The following GRIK2 variants were observed in gnomAD, a reference collection of about 807,000 sequenced individuals.
GRIK2 encodes the protein glutamate receptor ionotropic, kainate 2.
In GRIK2, 32 loss-of-function variants were observed where a neutral mutation model predicts 100.3. The ratio of observed to expected loss-of-function variants is 0.32; its 90% CI spans 0.24 to 0.43. The LOEUF is 0.43. Among genes scored for constraint, GRIK2 ranks in the 20% least tolerant of loss-of-function variants. GRIK2 has a pLI of 1.00. For synonymous variants in GRIK2, 417 were observed against 389.4 expected (o/e 1.07, Z -0.83); for missense variants, 843 against 1,114.9 (o/e 0.76, Z 3.47).
intron 7 of GRIK2, among the ~76,000 whole-genome samples, chr6:101,726,745 A>G (rs770051756): frequency 3.3e-5 from 5 of 152,154 alleles, no homozygotes; most frequent in Non-Finnish European, 5.9e-5. Flanking sequence ...GTTTGGTCAA[A>G]TTACGTGTCT....
intron 4 of GRIK2, among the ~76,000 whole-genome samples, chr6:101,652,698 T>C (rs1781857542): frequency 6.6e-6 from 1 of 152,154 alleles, no homozygotes; most frequent in Non-Finnish European, 1.5e-5. Flanking sequence ...GAAGACTTAA[T>C]AATGCAGTAT....
intron 2 of GRIK2, among the ~76,000 whole-genome samples, chr6:101,488,927 A>T (rs1772965974): frequency 6.8e-6 from 1 of 146,276 alleles, no homozygotes; most frequent in Non-Finnish European, 1.5e-5. Context: ...CTCACAAGTT[A>T]TATGCAAGAG....
intron 4 of GRIK2, among the ~76,000 whole-genome samples, chr6:101,638,370 C>T (rs966265311): frequency 3.0e-4 from 46 of 151,134 alleles, no homozygotes; most frequent in Admixed American, 3.0e-3. Flanking sequence ...TAGTATCAAA[C>T]GTGATAGGTG....
intron 2 of GRIK2, among the ~76,000 whole-genome samples, chr6:101,589,216 A>G (rs1778528559): frequency 6.6e-6 from 1 of 152,172 alleles, no homozygotes; most frequent in Non-Finnish European, 1.5e-5. Flanking sequence ...GGATTTATGT[A>G]TAACATGATG....
intron 11 of GRIK2, among the ~76,000 whole-genome samples, chr6:101,865,078 A>G (rs958982602): frequency 2.6e-5 from 4 of 152,202 alleles, no homozygotes; most frequent in African/African-American, 7.2e-5. Flanking sequence ...TGTAGCTTCA[A>G]TTGTGAAATT....
At chr6:101,883,828 G>A (rs1786432289) in intron 11 of GRIK2, among the ~76,000 whole-genome samples, 1 of 152,172 alleles carries the variant, frequency 6.6e-6, no homozygotes, top group African/African-American at 2.4e-5. Flanking sequence ...TGAAACAACA[G>A]TGAGAAAGAC....
intron 10 of GRIK2, among the ~76,000 whole-genome samples, chr6:101,823,803 T>A (rs1782119228): frequency 6.6e-6 from 1 of 151,922 alleles, no homozygotes; most frequent in South Asian, 2.1e-4. Flanking sequence ...TTTATTTGTT[T>A]GTTTATTTCT....
At chr6:101,891,778 A>G in intron 12 of GRIK2, among the ~76,000 whole-genome samples, 1 of 152,266 alleles carries the variant, frequency 6.6e-6, no homozygotes, top group African/African-American at 2.4e-5. Context: ...CCCCACAGTA[A>G]TGAGAATTTG....
chr6:101,410,468 C>G (rs955293045), intron 2 of GRIK2, among the ~76,000 whole-genome samples: 1 of 151,914 alleles, frequency 6.6e-6, no homozygotes, highest in Admixed American at 6.6e-5. Flanking sequence ...GGTACCACCC[C>G]TAGACCACTA....
At chr6:101,921,914 TAAG>T (rs1789545679) in intron 12 of GRIK2, among the ~76,000 whole-genome samples, 1 of 152,072 alleles carries the variant, frequency 6.6e-6, no homozygotes. Flanking sequence ...ATCTTCAGTT[TAAG>T]AAAAAAAGCA....
At chr6:101,503,765 T>A (rs2128275046) in intron 2 of GRIK2, among the ~76,000 whole-genome samples, 1 of 152,326 alleles carries the variant, frequency 6.6e-6, no homozygotes, top group Admixed American at 6.5e-5. Flanking sequence ...TCCCTGTTTC[T>A]TAATTAGTAA....
At chr6:101,969,397 T>C (rs184460553) in intron 14 of GRIK2, among the ~76,000 whole-genome samples, 3 of 152,184 alleles carry the variant, frequency 2.0e-5, no homozygotes, top group Admixed American at 6.6e-5. Context: ...GTTTAATTTA[T>C]GTTATTTCTC....
intron 2 of GRIK2, among the ~76,000 whole-genome samples, chr6:101,565,583 T>A (rs1777216394): frequency 6.6e-6 from 1 of 152,072 alleles, no homozygotes; most frequent in South Asian, 2.1e-4. Context: ...TTGCATTGAA[T>A]GTATAAACAG....
intron 14 of GRIK2, among the ~76,000 whole-genome samples, chr6:102,018,358 G>A (rs370678643): frequency 2.0e-5 from 3 of 151,942 alleles, no homozygotes; most frequent in African/African-American, 4.8e-5. Context: ...TTTCCTTCTC[G>A]CCAAATATGT....
At chr6:101,813,270 C>T (rs2128419656) in intron 9 of GRIK2, among the ~76,000 whole-genome samples, 1 of 152,170 alleles carries the variant, frequency 6.6e-6, no homozygotes, top group African/African-American at 2.4e-5. Context: ...AGGTAGCTCT[C>T]AGTCTTTTTG....
chr6:101,891,257 G>A (rs945669749), intron 12 of GRIK2, among the ~76,000 whole-genome samples: 46 of 151,562 alleles, frequency 3.0e-4, no homozygotes, highest in African/African-American at 6.3e-4. Context: ...GGTTGCTCAC[G>A]CCTGTAATCC....
chr6:101,796,870 T>A lies in GRIK2; in HGVS notation c.952-2778T>A, dbSNP rs1223198946. Among the ~76,000 whole-genome samples, 4 of 152,084 alleles carry A rather than the reference T, an allele frequency of 2.6e-5. No individual in the cohort carries two copies. In the East Asian group the frequency reaches 7.7e-4, roughly 29 times the overall value. The stretch of plus-strand genomic sequence containing the variant: ...ATATTTATCTTATAGTTTAATAATA[T>A]TATCTAATTTTTATAATTGTACTTA... On this transcript the variant is annotated intron_variant, in intron 7 of 16. Transcript: ENST00000369134.
At chr6:101,617,356 A>G (rs1245030754) in intron 2 of GRIK2, among the ~76,000 whole-genome samples, 3 of 151,800 alleles carry the variant, frequency 2.0e-5, no homozygotes. Context: ...ATGCAGCAGT[A>G]TACTTTTGTG....
intron 2 of GRIK2, among the ~76,000 whole-genome samples, chr6:101,415,687 T>A (rs2518183): frequency 6.6e-6 from 1 of 152,044 alleles, no homozygotes; most frequent in Non-Finnish European, 1.5e-5. Flanking sequence ...TCCATAACAA[T>A]TTTTAAGTGT....
Sources: allele counts gnomAD v4.1 joint callset (sites outside exome capture counted in the v4.1 genomes callset), GRCh38; gene constraint gnomAD v4.1.1; transcripts MANE v1.5; gene names NCBI Gene and HGNC (gene_info 2026-07-23, HGNC 2026-07-21).